ANO1: variants seen among roughly 807,000 people sequenced by gnomAD.
ANO1 encodes the protein anoctamin-1.
In ANO1, 59 loss-of-function variants were observed where a neutral mutation model predicts 124.0. The ratio of observed to expected loss-of-function variants is 0.48; its 90% CI spans 0.39 to 0.59. The LOEUF (loss-of-function observed/expected upper bound fraction) is 0.59, where lower values mean the gene tolerates loss of function less well. ANO1 is among the 20% of genes least tolerant of loss of function. The pLI, the probability that ANO1 is intolerant of heterozygous loss-of-function variation, is 0.00. For synonymous variants in ANO1, 529 were observed against 532.0 expected, an observed-to-expected ratio of 0.99 and a Z score of 0.08; for missense variants, 1,059 against 1,328.0, an observed-to-expected ratio of 0.80 and a Z score of 3.15.
chr11:70,091,574 C>T (rs2044627016), intron 2 of ANO1, among the ~76,000 whole-genome samples: 1 of 152,136 alleles, frequency 6.6e-6, no homozygotes, highest in Non-Finnish European at 1.5e-5. Context: ...GATGAGGAGG[C>T]AGAGGGAGAA....
At position 70,167,230 on chromosome 11, in the gene ANO1, C is replaced by G; in HGVS notation, c.2052-12C>G. 6.2e-7 allele frequency: 1 copy of G among 1,613,784 alleles called. No individual in the cohort carries two copies. Among genetic ancestry groups the G allele is most frequent in the African/African-American group, 1.3e-5 (1 of 75,050 alleles). ...TCCTGCAAACCTAACTGCATGATGT[C>G]TCATCTCTCAGGAAGATGAAGAAGC... is the stretch of plus-strand genomic sequence containing the variant. On this transcript the variant is annotated splice_polypyrimidine_tract_variant and intron_variant, in intron 20 of 25. Coordinates refer to ENST00000355303, the MANE Select transcript of ANO1 (RefSeq NM_018043.7).
chr11:70,079,079 T>C (rs1168361078), intron 1 of ANO1, among the ~76,000 whole-genome samples: 3 of 152,074 alleles, frequency 2.0e-5, no homozygotes, highest in Non-Finnish European at 4.4e-5. Context: ...GGACCTTCCC[T>C]TCCTGGCTCG....
chr11:70,014,655 G>T (rs145507475), intron 1 of ANO1, among the ~76,000 whole-genome samples: 2 of 152,204 alleles, frequency 1.3e-5, no homozygotes, highest in South Asian at 2.1e-4. Context: ...CCTGTTGAGA[G>T]TATGCTGGGA....
At chr11:69,994,554 ATG>A (rs1554998079) in intron 1 of ANO1, among the ~76,000 whole-genome samples, 2 of 152,182 alleles carry the variant, frequency 1.3e-5, no homozygotes, top group African/African-American at 4.8e-5. Flanking sequence ...CTATATATAT[ATG>A]ATGGCAATTT....
At chr11:70,091,810 C>G (rs1046592699) in intron 2 of ANO1, among the ~76,000 whole-genome samples, 1 of 152,186 alleles carries the variant, frequency 6.6e-6, no homozygotes, top group African/African-American at 2.4e-5. Context: ...AGTGAGCAAC[C>G]CCTATGCCCC....
the ANO1 span, among the ~76,000 whole-genome samples, chr11:69,966,822 G>T: frequency 8.7e-3 from 1,325 of 152,304 alleles, 25 homozygotes; most frequent in African/African-American, 0.03. Flanking sequence ...TTGATTGAGG[G>T]CAAGAGAGGT....
chr11:70,089,230 G>T (rs1373310381), intron 2 of ANO1, among the ~76,000 whole-genome samples: 1 of 152,214 alleles, frequency 6.6e-6, no homozygotes, highest in Non-Finnish European at 1.5e-5. Flanking sequence ...AAAGTTGTCG[G>T]CAGGTTAACT....
intron 11 of ANO1, among the ~76,000 whole-genome samples, chr11:70,133,899 C>T (rs1455014101): frequency 1.3e-5 from 2 of 152,200 alleles, no homozygotes; most frequent in African/African-American, 4.8e-5. Flanking sequence ...GGCAGCTGGG[C>T]CGGGTCCTCT....
chr11:70,031,904 G>A (rs7107273), intron 1 of ANO1, among the ~76,000 whole-genome samples: 19,550 of 152,152 alleles, frequency 0.13, 1,473 homozygotes, highest in African/African-American at 0.2. Context: ...TTGAACTCCC[G>A]GGGCCCAGGG....
At chr11:70,076,724 G>A (rs1225029043), upstream of ANO1, among the ~76,000 whole-genome samples, 1 of 152,160 alleles carries the variant, frequency 6.6e-6, no homozygotes, top group Non-Finnish European at 1.5e-5. Context: ...GCAGACAAAG[G>A]GTCCTTTAGG....
chr11:69,993,905 T>C (rs1009865648), intron 1 of ANO1, among the ~76,000 whole-genome samples: 1 of 152,198 alleles, frequency 6.6e-6, no homozygotes, highest in Non-Finnish European at 1.5e-5. Context: ...TGGGCACATA[T>C]AGCCCCTCGG....
At chr11:70,179,823 G>T (rs908110495) in intron 22 of ANO1, among the ~76,000 whole-genome samples, 181 bp from the exon 23 acceptor site, 2 of 152,200 alleles carry the variant, frequency 1.3e-5, no homozygotes, top group African/African-American at 4.8e-5. Context: ...TACACACCAG[G>T]CCCTGGCACT....
intron 8 of ANO1, among the ~76,000 whole-genome samples, chr11:70,123,498 G>A (rs1273933506): frequency 6.6e-6 from 1 of 152,218 alleles, no homozygotes; most frequent in African/African-American, 2.4e-5. Context: ...GAGGCTCCAA[G>A]GGGTTCCCTC....
chr11:70,085,318 T>TACCCCAGAG, intron 1 of ANO1: 1 of 1,352,546 alleles, frequency 7.4e-7, no homozygotes. Context: ...CCCCCACCCT[T>TACCCCAGAG]CCCCCTGAGC....
In ANO1 at chr11:70,188,587, CAG is replaced by C. The variant is rs1216759532; in HGVS notation, c.*584_*585del. ...AGAAGTGCCTCATCCCTGAGCCACACAGGGGGCGTGGGAGCATCCCAGTTATC... is the reference window on the plus strand; with the variant it reads ...AGAAGTGCCTCATCCCTGAGCCACACGGGGCGTGGGAGCATCCCAGTTATC... On this transcript the variant is annotated 3_prime_UTR_variant, in exon 26 of 26. Transcript: ENST00000355303. 6.5e-6 allele frequency: 1 copy of C among 153,760 alleles called. No individual in the cohort carries two copies. The highest frequency in any genetic ancestry group is 1.9e-4 in the East Asian group (1 of 5,198). 9.5% of individuals were successfully genotyped at this position (153,760 alleles called of 1,614,324 possible).
chr11:70,075,824 C>G (rs1555009949), upstream of ANO1, among the ~76,000 whole-genome samples: 2 of 152,188 alleles, frequency 1.3e-5, no homozygotes, highest in African/African-American at 4.8e-5. Flanking sequence ...GACAGGGAAC[C>G]AGAGAAGAGA....
intron 11 of ANO1, among the ~76,000 whole-genome samples, chr11:70,137,345 G>GCCTGCCCCTT (rs2046988159): frequency 7.1e-6 from 1 of 141,472 alleles, no homozygotes; most frequent in African/African-American, 2.5e-5. Flanking sequence ...GCCTGCCCCT[G>GCCTGCCCCTT]CCTGCCCCTG....
At chr11:70,011,658 C>A (rs1277502952) in intron 1 of ANO1, among the ~76,000 whole-genome samples, 1 of 152,160 alleles carries the variant, frequency 6.6e-6, no homozygotes, top group Non-Finnish European at 1.5e-5. Context: ...CAAACATTAG[C>A]AGTTTAAGAA....
the ANO1 span, among the ~76,000 whole-genome samples, chr11:69,966,905 C>T: frequency 6.6e-6 from 1 of 152,136 alleles, no homozygotes; most frequent in African/African-American, 2.4e-5. Context: ...AACAACCCCT[C>T]CTGAGAACAA....
Sources: allele counts gnomAD v4.1 joint callset (sites outside exome capture counted in the v4.1 genomes callset), GRCh38; gene constraint gnomAD v4.1.1; transcripts MANE v1.5; gene names NCBI Gene and HGNC (gene_info 2026-07-23, HGNC 2026-07-21).